RBFOX1: variants seen among roughly 807,000 people sequenced by gnomAD.
The protein encoded by RBFOX1 is RNA binding protein fox-1 homolog 1.
A neutral mutation model predicts 57.7 loss-of-function variants in RBFOX1; 8 were observed. The observed-to-expected ratio is 0.14, with a 90% CI of 0.08 to 0.25. The LOEUF (loss-of-function observed/expected upper bound fraction) is 0.25, where lower values mean the gene tolerates loss of function less well. Ranked by LOEUF, RBFOX1 falls within the 10% of genes least tolerant of loss-of-function variation. The pLI, the probability that RBFOX1 is intolerant of heterozygous loss-of-function variation, is 1.00. For synonymous variants in RBFOX1, 326 were observed against 222.4 expected, an observed-to-expected ratio of 1.47 and a Z score of -4.15; for missense variants, 611 against 548.5, an observed-to-expected ratio of 1.11 and a Z score of -1.14.
intron 2 of RBFOX1, among the ~76,000 whole-genome samples, chr16:5,516,516 T>A (rs2043798115): frequency 6.6e-6 from 1 of 152,248 alleles, no homozygotes; most frequent in African/African-American, 2.4e-5. Context: ...TTCAGAAGAA[T>A]AGTGAGAATT....
intron 3 of RBFOX1, among the ~76,000 whole-genome samples, chr16:5,781,419 A>G (rs1030449084): frequency 6.6e-6 from 1 of 152,204 alleles, no homozygotes; most frequent in African/African-American, 2.4e-5. Flanking sequence ...TTTACAATGT[A>G]GTAAGTAACT....
At chr16:5,951,710 A>G (rs1409073302) in intron 4 of RBFOX1, among the ~76,000 whole-genome samples, 1 of 152,040 alleles carries the variant, frequency 6.6e-6, no homozygotes, top group Non-Finnish European at 1.5e-5. Context: ...ACAGGTAGCC[A>G]CTTCCTTGTA....
intron 3 of RBFOX1, among the ~76,000 whole-genome samples, chr16:6,742,486 C>T (rs764281294): frequency 1.8e-4 from 28 of 151,962 alleles, no homozygotes; most frequent in Non-Finnish European, 3.4e-4. Context: ...ACATTTATTC[C>T]ACAGAAATGA....
chr16:7,371,499 C>T (rs1056630958), intron 4 of RBFOX1, among the ~76,000 whole-genome samples: 7 of 152,154 alleles, frequency 4.6e-5, no homozygotes, highest in Non-Finnish European at 1.0e-4. Flanking sequence ...CCTGTAATCC[C>T]AGAACTCTGG....
intron 1 of RBFOX1, among the ~76,000 whole-genome samples, chr16:6,127,341 G>C (rs944463457): frequency 2.0e-5 from 3 of 151,178 alleles, no homozygotes; most frequent in Admixed American, 2.0e-4. Context: ...CCTTATTCAA[G>C]CACCTGCTCT....
chr16:5,356,364 C>G (rs1453725717), intron 1 of RBFOX1, among the ~76,000 whole-genome samples: 3 of 152,200 alleles, frequency 2.0e-5, no homozygotes, highest in Non-Finnish European at 2.9e-5. Flanking sequence ...TTTGTGGTAA[C>G]TAGTAATGAC....
At chr16:7,105,507 G>A (rs1031330284) in intron 4 of RBFOX1, among the ~76,000 whole-genome samples, 1 of 151,934 alleles carries the variant, frequency 6.6e-6, no homozygotes, top group Non-Finnish European at 1.5e-5. Flanking sequence ...AGTCCACAAA[G>A]TCCATTGTGT....
intron 4 of RBFOX1, among the ~76,000 whole-genome samples, chr16:7,376,044 A>G (rs1047216358): frequency 6.6e-6 from 1 of 152,134 alleles, no homozygotes; most frequent in Non-Finnish European, 1.5e-5. Context: ...GTTTGGTTTT[A>G]TTTTTTATTG....
At chr16:5,856,207 ACATATATATG>A (rs1214487300) in intron 3 of RBFOX1, among the ~76,000 whole-genome samples, 45 of 31,396 alleles carry the variant, frequency 1.4e-3, no homozygotes, top group African/African-American at 4.4e-3. Flanking sequence ...ATATATATAT[ACATATATATG>A]TATATATATA....
chr16:5,385,988 G>T (rs1049113380), intron 1 of RBFOX1, among the ~76,000 whole-genome samples: 1 of 152,142 alleles, frequency 6.6e-6, no homozygotes, highest in African/African-American at 2.4e-5. Context: ...GCAAAGAGAG[G>T]AGGAAATGAA....
At chr16:5,758,568 A>T (rs1356744428) in intron 3 of RBFOX1, among the ~76,000 whole-genome samples, 1 of 152,202 alleles carries the variant, frequency 6.6e-6, no homozygotes, top group Non-Finnish European at 1.5e-5. Flanking sequence ...TTTTACAGTG[A>T]CACTCTTAGA....
rs538982535 is a variant in RBFOX1, at chr16:5,579,520, C to T, written c.259-19382C>T. 3.2e-4 allele frequency among the ~76,000 whole-genome samples: 48 copies of T among 152,242 alleles called. No individual in the cohort carries two copies. In the South Asian group the frequency reaches 1.0e-2, roughly 32 times the overall value. On this transcript the variant is annotated intron_variant, in intron 2 of 2. Transcript: ENST00000585867. ...CTTGCTTCAACCCTCCTGCTGCTCA[C>T]AGCGTGGCCTTTAAAACCCCCAATC... is the stretch of plus-strand genomic sequence containing the variant.
intron 4 of RBFOX1, among the ~76,000 whole-genome samples, chr16:7,441,958 C>T (rs2098771409): frequency 6.6e-6 from 1 of 152,220 alleles, no homozygotes; most frequent in Admixed American, 6.5e-5. Flanking sequence ...TTGGGGCTGC[C>T]CGTTCTTTGC....
At chr16:6,096,028 C>T (rs886568636) in intron 1 of RBFOX1, among the ~76,000 whole-genome samples, 4 of 152,322 alleles carry the variant, frequency 2.6e-5, no homozygotes, top group African/African-American at 7.2e-5. Flanking sequence ...GAGTTTAAGA[C>T]GATGGAGATA....
intron 2 of RBFOX1, among the ~76,000 whole-genome samples, chr16:6,503,398 T>C (rs2095996836): frequency 6.6e-6 from 1 of 152,172 alleles, no homozygotes; most frequent in African/African-American, 2.4e-5. Flanking sequence ...AACAAACAAT[T>C]CCAATATTTC....
At chr16:6,853,398 G>T (rs538691840) in intron 3 of RBFOX1, among the ~76,000 whole-genome samples, 2 of 152,182 alleles carry the variant, frequency 1.3e-5, no homozygotes, top group African/African-American at 4.8e-5. Flanking sequence ...ATTTTAGTTC[G>T]CAGAGTTACT....
chr16:6,959,542 C>G (rs1323322820), intron 3 of RBFOX1, among the ~76,000 whole-genome samples: 3 of 151,946 alleles, frequency 2.0e-5, no homozygotes, highest in Admixed American at 6.6e-5. Flanking sequence ...CATTTGGACC[C>G]AGGTCTCAGT....
intron 1 of RBFOX1, among the ~76,000 whole-genome samples, chr16:5,370,853 G>T (rs912522627): frequency 6.6e-6 from 1 of 151,980 alleles, no homozygotes; most frequent in Non-Finnish European, 1.5e-5. Flanking sequence ...TTTTTAGCAG[G>T]CACATGACTC....
At chr16:7,524,418 C>A (rs986844936) in intron 5 of RBFOX1, among the ~76,000 whole-genome samples, 2 of 152,156 alleles carry the variant, frequency 1.3e-5, no homozygotes, top group Admixed American at 6.6e-5. Flanking sequence ...CCAAACATAT[C>A]ACGGATCACA....
Sources: gnomAD v4.1 joint callset for allele counts (sites outside exome capture counted in the v4.1 genomes callset) on GRCh38, gnomAD v4.1.1 for gene constraint, MANE v1.5 for transcripts, NCBI Gene and HGNC (gene_info 2026-07-23, HGNC 2026-07-21) for gene names.